SLIT3: variants seen among roughly 807,000 people sequenced by gnomAD.
SLIT3 encodes slit guidance ligand 3, also known as slit homolog 3 protein.
SLIT3 carries 68 observed loss-of-function variants against 184.0 expected under a neutral mutation model. The ratio of observed to expected loss-of-function variants is 0.37; its 90% CI spans 0.30 to 0.45. The LOEUF (loss-of-function observed/expected upper bound fraction) is 0.45, where lower values mean the gene tolerates loss of function less well. Among genes scored for constraint, SLIT3 ranks in the 20% least tolerant of loss-of-function variants. The pLI is 1.00. For missense variants in SLIT3, 1,707 were observed against 2,026.0 expected, an observed-to-expected ratio of 0.84 and a Z score of 3.02; for synonymous variants, 831 against 828.6, an observed-to-expected ratio of 1.00 and a Z score of -0.05.
At chr5:168,834,659 C>G (rs937801794) in intron 6 of SLIT3, among the ~76,000 whole-genome samples, 23 of 127,592 alleles carry the variant, frequency 1.8e-4, no homozygotes, top group African/African-American at 6.7e-4. Flanking sequence ...TGCACTCCAG[C>G]CTGGGACACA....
chr5:169,288,409 A>G (rs934871284), intron 1 of SLIT3, among the ~76,000 whole-genome samples: 1 of 151,578 alleles, frequency 6.6e-6, no homozygotes, highest in Non-Finnish European at 1.5e-5. Flanking sequence ...GGCTTTCTAC[A>G]TATTTGTACC....
intron 4 of SLIT3, among the ~76,000 whole-genome samples, chr5:169,060,614 G>T (rs1758145221): frequency 6.6e-6 from 1 of 152,160 alleles, no homozygotes; most frequent in Non-Finnish European, 1.5e-5. Context: ...GTCATTAGCT[G>T]GGAGTCTGCA....
chr5:168,864,003 C>G (rs948964703), intron 5 of SLIT3, among the ~76,000 whole-genome samples: 3 of 149,702 alleles, frequency 2.0e-5, no homozygotes, highest in African/African-American at 7.4e-5. Context: ...TGAGACCAGC[C>G]TAGGCAACAT....
intron 5 of SLIT3, among the ~76,000 whole-genome samples, chr5:168,871,943 A>G (rs1759537669): frequency 6.6e-6 from 1 of 152,112 alleles, no homozygotes; most frequent in South Asian, 2.1e-4. Flanking sequence ...CTCCTCAGAG[A>G]TTCTTTGGGG....
In SLIT3 at chr5:168,877,632, G is replaced by T. The variant is rs148218250; in HGVS notation, c.485+5633C>A. Among the ~76,000 whole-genome samples, 79 of 152,304 alleles carry T rather than the reference G, an allele frequency of 5.2e-4. 1 individual carries two copies. The highest frequency in any genetic ancestry group is 2.3e-3 in the South Asian group (11 of 4,824). ...GCGGAGACAGCCCTCATTAATCTCA[G>T]GAAGCAGGAGGGCAGACACGGGCGG... is the stretch of plus-strand genomic sequence containing the variant. On this transcript the variant is annotated intron_variant, in intron 5 of 35. Coordinates refer to ENST00000519560, the MANE Select transcript of SLIT3 (RefSeq NM_003062.4).
chr5:169,268,710 G>A (rs890858512), intron 1 of SLIT3, among the ~76,000 whole-genome samples: 1 of 152,204 alleles, frequency 6.6e-6, no homozygotes, highest in African/African-American at 2.4e-5. Context: ...TGCAAAATGG[G>A]TTAGCAGCAC....
chr5:168,760,293 G>A (rs1246298644), intron 16 of SLIT3, among the ~76,000 whole-genome samples: 1 of 152,158 alleles, frequency 6.6e-6, no homozygotes, highest in African/African-American at 2.4e-5. Context: ...GAGAGGGTTA[G>A]GATGATCTGC....
chr5:169,245,373 A>G (rs1765554107), intron 2 of SLIT3, among the ~76,000 whole-genome samples: 1 of 152,182 alleles, frequency 6.6e-6, no homozygotes, highest in Non-Finnish European at 1.5e-5. Flanking sequence ...GCAGGTGATT[A>G]CAAATCCTAA....
intron 4 of SLIT3, among the ~76,000 whole-genome samples, chr5:168,963,409 C>T (rs1372246507): frequency 6.6e-6 from 1 of 152,172 alleles, no homozygotes; most frequent in Non-Finnish European, 1.5e-5. Flanking sequence ...TGACTTCAAG[C>T]ATTCTGCCTG....
At chr5:168,862,643 A>C (rs1759151715) in intron 5 of SLIT3, among the ~76,000 whole-genome samples, 1 of 151,004 alleles carries the variant, frequency 6.6e-6, no homozygotes, top group Admixed American at 6.6e-5. Context: ...GAGATCACTC[A>C]ATAGAACATT....
Position 168,669,988 on chromosome 5 carries a change from G to T in SLIT3, c.4131C>A (p.Cys1377Ter). Residue 1377 changes from cysteine (C) to a stop codon, truncating the protein, a stop_gained, in exon 35 of 36, where the codon TGC becomes TGA. Transcript: ENST00000519560. LOFTEE classifies it high-confidence loss of function. ...EARDPCLGHR[C>*]HHGKCVATGT... ...CAGTTGCCACACATTTTCCATGGTG[G>T]CATCTAGGGGCAGAGAGGAGGATGA... The T allele has an allele frequency of 6.2e-7, 1 of 1,613,798 alleles. No individual in the cohort carries two copies. The highest frequency in any genetic ancestry group is 8.5e-7 in the Non-Finnish European group (1 of 1,179,780).
Position 168,666,300 on chromosome 5 carries a change from T to TTTTG in SLIT3, c.*150_*153dup, listed in dbSNP as rs146334719. On this transcript the variant is annotated 3_prime_UTR_variant, in exon 36 of 36. Coordinates refer to ENST00000519560, the MANE Select transcript of SLIT3 (RefSeq NM_003062.4). ...TTCCATAATAAAAATAAGTTCTATT[T>TTTTG]TTTGTTTATTTTACAATATACTTAA... 2.2e-3 allele frequency: 1,413 copies of TTTTG among 642,808 alleles called. 6 individuals are homozygous for TTTTG. Among genetic ancestry groups the TTTTG allele is most frequent in the African/African-American group, 7.2e-3 (392 of 54,688 alleles). 39.8% of individuals were successfully genotyped at this position (642,808 alleles called of 1,614,324 possible).
At chr5:169,149,076 G>T (rs1006615192) in intron 4 of SLIT3, among the ~76,000 whole-genome samples, 8 of 152,172 alleles carry the variant, frequency 5.3e-5, no homozygotes, top group African/African-American at 1.2e-4. Flanking sequence ...AGGAAACTGA[G>T]ATTTGAAAGC....
Position 168,969,148 on chromosome 5 carries a change from C to T in SLIT3, c.414-85812G>A, listed in dbSNP as rs1754458729. On this transcript the variant is annotated intron_variant, in intron 4 of 35. Transcript: ENST00000519560. ...TAACCAGCAGAGAGGAACAAAGTCA[C>T]GTGAGGAGTAAAATGAAAGAACTGT... Among the ~76,000 whole-genome samples, 3 of 152,218 alleles carry T rather than the reference C, an allele frequency of 2.0e-5. No homozygotes were observed. In the South Asian group the frequency reaches 6.2e-4, roughly 32 times the overall value.
At position 169,011,576 on chromosome 5, in the gene SLIT3, G is replaced by C. The variant is rs1453918189; in HGVS notation, c.414-128240C>G. The stretch of plus-strand genomic sequence containing the variant: ...GAGGTCCCTTGTAGACCCCCGAGGA[G>C]GAAGGCTGAGGAATGCACTGCCCAG... On this transcript the variant is annotated intron_variant, in intron 4 of 35. Coordinates refer to ENST00000519560, the MANE Select transcript of SLIT3 (RefSeq NM_003062.4). Among the ~76,000 whole-genome samples the C allele has an allele frequency of 5.9e-5, 9 of 152,288 alleles. No homozygotes were observed. In the East Asian group the frequency reaches 1.7e-3, roughly 29 times the overall value.
At chr5:169,150,754 T>G (rs1003200627) in intron 4 of SLIT3, among the ~76,000 whole-genome samples, 7 of 152,192 alleles carry the variant, frequency 4.6e-5, no homozygotes, top group African/African-American at 1.7e-4. Context: ...AGTTCACATC[T>G]GCATAAGAGA....
chr5:168,993,793 C>T (rs1320077190), intron 4 of SLIT3, among the ~76,000 whole-genome samples: 1 of 152,252 alleles, frequency 6.6e-6, no homozygotes, highest in Non-Finnish European at 1.5e-5. Context: ...CTCTTCCCCA[C>T]TGAGTAAATG....
chr5:169,243,771 G>A (rs749500774), intron 3 of SLIT3, among the ~76,000 whole-genome samples: 9 of 152,200 alleles, frequency 5.9e-5, no homozygotes, highest in East Asian at 1.9e-4. Flanking sequence ...TAGGGAAGCC[G>A]GCAGAGCCGT....
At chr5:169,056,789 C>CA (rs1481352653) in intron 4 of SLIT3, among the ~76,000 whole-genome samples, 6 of 152,166 alleles carry the variant, frequency 3.9e-5, no homozygotes, top group African/African-American at 1.4e-4. Context: ...GCTGACTTCA[C>CA]AGTCCCATGG....
Sources: allele counts gnomAD v4.1 joint callset (sites outside exome capture counted in the v4.1 genomes callset), GRCh38; gene constraint gnomAD v4.1.1; transcripts MANE v1.5; gene names NCBI Gene and HGNC (gene_info 2026-07-23, HGNC 2026-07-21).